ASB4: variants seen among roughly 807,000 people sequenced by gnomAD.
The protein encoded by ASB4 is ankyrin repeat and SOCS box containing 4, also known as ankyrin repeat and SOCS box protein 4.
In ASB4, 35 loss-of-function variants were observed where a neutral mutation model predicts 38.6. That is an observed-to-expected ratio of 0.91 (90% CI 0.69 to 1.20). The LOEUF (loss-of-function observed/expected upper bound fraction) is 1.20. Among genes scored for constraint, ASB4 ranks in the 50% most tolerant of loss-of-function variants. ASB4 has a pLI of 0.00. For missense variants in ASB4, 557 were observed against 527.2 expected, an observed-to-expected ratio of 1.06 and a Z score of -0.55; for synonymous variants, 195 against 201.3, an observed-to-expected ratio of 0.97 and a Z score of 0.26.
Position 95,537,577 on chromosome 7 carries a change from TG to T in ASB4, c.1102del (p.Asp368IlefsTer46). ...AIPDDDLEKY[W>X]DFYHSLFTVC... ...GTCTTGCCTTCCTTTTCAGAAATAC[TG>T]GGATTTTTACCACTCTCTCTTTACT... On this transcript the variant is annotated frameshift_variant, in exon 5 of 5. Coordinates refer to ENST00000325885, the MANE Select transcript of ASB4 (RefSeq NM_016116.3). 6.3e-7 allele frequency: 1 copy of T among 1,592,034 alleles called. No individual in the cohort carries two copies.
At chr7:95,546,424 T>TA in the ASB4 span, among the ~76,000 whole-genome samples, 1 of 149,640 alleles carries the variant, frequency 6.7e-6, no homozygotes, top group Non-Finnish European at 1.5e-5. Flanking sequence ...TTCTTAAATA[T>TA]TTTTTTTTCT....
intron 2 of ASB4, among the ~76,000 whole-genome samples, chr7:95,520,239 A>C (rs1325978081): frequency 6.6e-6 from 1 of 152,228 alleles, no homozygotes; most frequent in Non-Finnish European, 1.5e-5. Flanking sequence ...CAGAATCTTT[A>C]AGGAAGTTAC....
At chr7:95,488,055 C>T (rs539392477) in intron 1 of ASB4, among the ~76,000 whole-genome samples, 111 of 152,322 alleles carry the variant, frequency 7.3e-4, no homozygotes, top group African/African-American at 2.5e-3. Flanking sequence ...TTAAAAGTTT[C>T]TTCAGGCCGG....
chr7:95,519,138 CA>C (rs1468635659), intron 2 of ASB4, among the ~76,000 whole-genome samples: 3 of 151,976 alleles, frequency 2.0e-5, no homozygotes, highest in Non-Finnish European at 4.4e-5. Flanking sequence ...ATGGAAGACA[CA>C]AGAGAATATA....
chr7:95,498,887 T>G (rs1434967818), intron 2 of ASB4, among the ~76,000 whole-genome samples: 1 of 152,208 alleles, frequency 6.6e-6, no homozygotes, highest in African/African-American at 2.4e-5. Flanking sequence ...TTCAACACCA[T>G]TTGTTGAAAA....
In ASB4 at chr7:95,527,916, C is replaced by T. The variant is rs771285372; in HGVS notation, c.591C>T (p.His197=). The T allele has an allele frequency of 5.0e-6, 8 of 1,614,040 alleles. No individual in the cohort carries two copies. The highest frequency in any genetic ancestry group is 6.8e-6 in the Non-Finnish European group (8 of 1,180,050). ...AGCTGGTGGCCTTCTACGTGGAACA[C>T]GGGGCCATAGTGGACAGCGTGAATG... ...LSELVAFYVE[H]GAIVDSVNAH... Residue 197 remains histidine (H), a synonymous_variant, in exon 3 of 5, where the codon CAC becomes CAT. Transcript: ENST00000325885.
chr7:95,475,298 G>A (rs1328310472), upstream of ASB4, among the ~76,000 whole-genome samples: 5 of 152,022 alleles, frequency 3.3e-5, no homozygotes, highest in African/African-American at 4.8e-5. Context: ...CCCTCCCCAC[G>A]CCCACCTGGA....
chr7:95,479,106 A>G (rs1051356895), intron 1 of ASB4, among the ~76,000 whole-genome samples: 1 of 152,218 alleles, frequency 6.6e-6, no homozygotes, highest in Non-Finnish European at 1.5e-5. Flanking sequence ...AAAGCCCTAA[A>G]GGCTGAGGAG....
intron 2 of ASB4, among the ~76,000 whole-genome samples, chr7:95,522,072 A>G (rs1790670975): frequency 6.6e-6 from 1 of 152,156 alleles, no homozygotes; most frequent in Non-Finnish European, 1.5e-5. Flanking sequence ...AATTCATTAA[A>G]GTCTTAGATT....
rs1790239014 is a variant in ASB4 at position 95,495,866 on chromosome 7, C to G, written c.296C>G (p.Ala99Gly). The G allele has an allele frequency of 2.5e-6, 4 of 1,613,934 alleles. No individual in the cohort carries two copies. Among genetic ancestry groups the G allele is most frequent in the Non-Finnish European group, 3.4e-6 (4 of 1,179,994 alleles). ...CTTCTGGTGCTACTGGACCACAATG[C>G]TACAATCAACTGTAGACCCAATGGG... ...ECLLVLLDHN[A>G]TINCRPNGKT... The change falls in exon 2 of 5, where the codon GCT becomes GGT. Residue 99 changes from alanine (A) to glycine (G), a missense_variant. Physicochemically the swap from Ala to Gly is moderately conservative, Grantham distance 60. Coordinates refer to ENST00000325885, the MANE Select transcript of ASB4 (RefSeq NM_016116.3).
rs75539308 is a variant in ASB4 at position 95,526,773 on chromosome 7, G to A, written c.488-1040G>A. 2.7e-3 allele frequency among the ~76,000 whole-genome samples: 407 copies of A among 152,204 alleles called. 3 individuals are homozygous for A. The highest frequency in any genetic ancestry group is 0.02 in the Middle Eastern group (6 of 294). ...ATAATAATAACAATAATAATAATAA[G>A]TCTGTACAGACTAATACTTGAAGTA... On this transcript the variant is annotated intron_variant, in intron 2 of 4. Transcript: ENST00000325885.
At chr7:95,471,119 G>A in the ASB4 span, among the ~76,000 whole-genome samples, 1 of 152,132 alleles carries the variant, frequency 6.6e-6, no homozygotes, top group African/African-American at 2.4e-5. Context: ...ATTTCTAAGT[G>A]TGTTTTCTAA....
chr7:95,518,621 C>G (rs1308404637), intron 2 of ASB4, among the ~76,000 whole-genome samples: 2 of 152,112 alleles, frequency 1.3e-5, no homozygotes, highest in East Asian at 1.9e-4. Flanking sequence ...GTTGAATGAC[C>G]TAGATACCTA....
intron 2 of ASB4, among the ~76,000 whole-genome samples, chr7:95,508,836 A>G (rs568717255): frequency 1.3e-5 from 2 of 152,366 alleles, no homozygotes; most frequent in African/African-American, 4.8e-5. Flanking sequence ...GAACACAGAG[A>G]GGGATCTGAT....
chr7:95,528,163 C>A lies in ASB4; in HGVS notation c.838C>A (p.Leu280Ile). 1 of 1,614,212 alleles carries A rather than the reference C, an allele frequency of 6.2e-7. No homozygotes were observed. The change falls in exon 3 of 5, where the codon CTC (leucine) becomes ATC (isoleucine). Residue 280 changes from leucine (L) to isoleucine (I), a missense_variant. Coordinates refer to ENST00000325885, the MANE Select transcript of ASB4 (RefSeq NM_016116.3). ...MMLEAGAEAN[L>I]MDINGCAAIQ... ...GCTGGAAGCTGGCGCCGAAGCCAAT[C>A]TCATGGATATCAACGGCTGTGCTGC...
intron 2 of ASB4, among the ~76,000 whole-genome samples, chr7:95,498,126 T>A (rs1383222985): frequency 6.6e-6 from 1 of 152,190 alleles, no homozygotes; most frequent in Non-Finnish European, 1.5e-5. Context: ...CGTATTTCTA[T>A]CAGCAATGTA....
At chr7:95,550,506 A>C in the ASB4 span, among the ~76,000 whole-genome samples, 1 of 152,142 alleles carries the variant, frequency 6.6e-6, no homozygotes, top group South Asian at 2.1e-4. Context: ...TAGCCTTCAA[A>C]AGCAAACCTG....
Position 95,528,315 on chromosome 7 carries a change from C to A in ASB4, c.978+12C>A, listed in dbSNP as rs755737752. ...CACAGTTCCATAAGGTGAGGCTCTG[C>A]CCAGTGGTCAGCAGGTTGAGGAAGA... On this transcript the variant is annotated intron_variant, in intron 3 of 4. Transcript: ENST00000325885. 3.7e-6 allele frequency: 6 copies of A among 1,613,894 alleles called. No homozygotes were observed. The South Asian group carries it at 4.4e-5, about 12-fold the overall frequency.
In ASB4 at chr7:95,536,545, T is replaced by A; in HGVS notation, c.1087T>A (p.Leu363Met). 6.2e-7 allele frequency: 1 copy of A among 1,600,894 alleles called. No homozygotes were observed. The highest frequency in any genetic ancestry group is 8.6e-7 in the Non-Finnish European group (1 of 1,168,486). The change falls in exon 4 of 5, where the codon TTG becomes ATG. Residue 363 changes from leucine (L) to methionine (M), a missense_variant. By Grantham distance (15) the Leu-to-Met change is conservative. Transcript: ENST00000325885. ...KWRRAIPDDD[L>M]EKYWDFYHSL... The stretch of plus-strand genomic sequence containing the variant: ...GAGAAGAGCTATCCCCGATGATGAC[T>A]TGGAGGTAAATAATCGATTCCCTTC...
Sources: gnomAD v4.1 joint callset for allele counts (sites outside exome capture counted in the v4.1 genomes callset) on GRCh38, gnomAD v4.1.1 for gene constraint, MANE v1.5 for transcripts, NCBI Gene and HGNC (gene_info 2026-07-23, HGNC 2026-07-21) for gene names.